The following OOSP4B variants were observed in gnomAD, a reference collection of about 807,000 sequenced individuals.
OOSP4B encodes the protein oocyte secreted protein family member 4B.
chr11:60,027,917 G>C (rs1854760984), intron 3 of OOSP4B, among the ~76,000 whole-genome samples: 1 of 151,308 alleles, frequency 6.6e-6, no homozygotes, highest in African/African-American at 2.4e-5. Flanking sequence ...TCCAGCCTGG[G>C]TGACAGAGTG....
At chr11:60,022,631 G>A (rs532433757) in intron 1 of OOSP4B, among the ~76,000 whole-genome samples, 10 of 152,128 alleles carry the variant, frequency 6.6e-5, no homozygotes, top group Non-Finnish European at 1.2e-4. Context: ...CAACTGTCCT[G>A]GGATTAAAAC....
At chr11:60,023,818 T>C (rs1239659487) in intron 1 of OOSP4B, 62 bp from the exon 2 acceptor site, 10 of 398,022 alleles carry the variant, frequency 2.5e-5, no homozygotes, top group South Asian at 2.6e-4. Flanking sequence ...TCAGCACTGA[T>C]AGTGTAATGT....
At chr11:60,017,360 G>C (rs1285198297) in exon 1 of OOSP4B, 1 of 398,528 alleles carries the variant, frequency 2.5e-6, no homozygotes, top group African/African-American at 2.1e-5. Context: ...GCCATTTCTT[G>C]TTTTCTATGT....
chr11:60,020,404 G>A (rs1002771549), intron 1 of OOSP4B, among the ~76,000 whole-genome samples: 4 of 150,748 alleles, frequency 2.7e-5, no homozygotes, highest in African/African-American at 7.3e-5. Flanking sequence ...GCCCTGCCCC[G>A]CCAGGAGGCA....
chr11:60,025,061 GT>G (rs1267191323), intron 3 of OOSP4B, 56 bp downstream of exon 3: 2 of 397,576 alleles, frequency 5.0e-6, no homozygotes, highest in Non-Finnish European at 8.9e-6. Context: ...GTTGATAGAT[GT>G]TTCTGTTAAG....
Position 60,019,386 on chromosome 11 carries a change from T to C in OOSP4B, c.22+1973T>C, listed in dbSNP as rs975354452. On this transcript the variant is annotated intron_variant, in intron 1 of 4. Coordinates refer to ENST00000642343, the Ensembl canonical transcript of OOSP4B. ...AAAATTAGCCAGGTGTAGTGGTGCA[T>C]GTGTGTCCGGAATTGGTGGGTTCTT... is the stretch of plus-strand genomic sequence containing the variant. The C allele has an allele frequency of 2.8e-5, 5 of 178,312 alleles. No homozygotes were observed. In the South Asian group the frequency reaches 7.1e-4, roughly 25 times the overall value. 11.0% of individuals were successfully genotyped at this position (178,312 alleles called of 1,614,324 possible).
intron 3 of OOSP4B, among the ~76,000 whole-genome samples, chr11:60,029,363 A>G (rs954062105): frequency 6.6e-6 from 1 of 152,116 alleles, no homozygotes; most frequent in African/African-American, 2.4e-5. Context: ...GGGTGTGTCT[A>G]TGTCTCTATT....
intron 3 of OOSP4B, among the ~76,000 whole-genome samples, chr11:60,025,887 C>T (rs1854742723): frequency 6.6e-6 from 1 of 152,148 alleles, no homozygotes; most frequent in Admixed American, 6.5e-5. Context: ...TGGTTTCACC[C>T]TCTGATGTCA....
chr11:60,027,915 G>C (rs1031036547), intron 3 of OOSP4B, among the ~76,000 whole-genome samples: 4 of 151,508 alleles, frequency 2.6e-5, no homozygotes, highest in East Asian at 2.0e-4. Context: ...ACTCCAGCCT[G>C]GGTGACAGAG....
At chr11:60,021,210 T>A (rs1033228521) in intron 1 of OOSP4B, among the ~76,000 whole-genome samples, 1 of 152,232 alleles carries the variant, frequency 6.6e-6, no homozygotes, top group African/African-American at 2.4e-5. Context: ...CATCTTGTTA[T>A]TAAAATGCAA....
chr11:60,029,315 T>C (rs1164043853), intron 3 of OOSP4B, among the ~76,000 whole-genome samples: 2 of 152,174 alleles, frequency 1.3e-5, no homozygotes, highest in African/African-American at 2.4e-5. Flanking sequence ...GTTGAGATGG[T>C]AGTTAAAGGT....
At chr11:60,028,934 T>A (rs966917086) in intron 3 of OOSP4B, among the ~76,000 whole-genome samples, 4 of 152,230 alleles carry the variant, frequency 2.6e-5, no homozygotes, top group Non-Finnish European at 1.5e-5. Context: ...TTAAGGGGAA[T>A]CTTAGCAGAT....
At chr11:60,023,928 T>G in exon 2 of OOSP4B, 1 of 398,532 alleles carries the variant, frequency 2.5e-6, no homozygotes, top group Non-Finnish European at 4.4e-6. Flanking sequence ...AGAATGAAAA[T>G]AAGGCCTTTT....
intron 1 of OOSP4B, among the ~76,000 whole-genome samples, chr11:60,023,553 G>A (rs1854715405): frequency 6.6e-6 from 1 of 152,080 alleles, no homozygotes; most frequent in Admixed American, 6.5e-5. Flanking sequence ...TCCCACCTCA[G>A]TCTCCCAAGT....
chr11:60,024,306 G>C (rs963954987), intron 2 of OOSP4B, among the ~76,000 whole-genome samples: 5 of 152,144 alleles, frequency 3.3e-5, no homozygotes, highest in African/African-American at 1.2e-4. Context: ...TTGGGAGGCT[G>C]GGGTGGGTGG....
chr11:60,026,213 C>T (rs975384447), intron 3 of OOSP4B, among the ~76,000 whole-genome samples: 6 of 152,090 alleles, frequency 3.9e-5, no homozygotes, highest in African/African-American at 7.2e-5. Flanking sequence ...TCTGTTCTGT[C>T]GTAAAATTCC....
Position 60,029,931 on chromosome 11 carries a change from TG to T in OOSP4B, c.450+3del, listed in dbSNP as rs1590595932. ...CTTAATTTTAACAGTGTTAATAAGG[TG>T]AGAATATTAAGGTTGTTTATTTTAT... On this transcript the variant is annotated splice_donor_region_variant and intron_variant, in intron 4 of 4. Transcript: ENST00000642343. The T allele has an allele frequency of 2.5e-6, 1 of 398,256 alleles. No homozygotes were observed. Among genetic ancestry groups the T allele is most frequent in the East Asian group, 3.6e-5 (1 of 28,032 alleles). 24.7% of individuals were successfully genotyped at this position (398,256 alleles called of 1,614,324 possible).
intron 1 of OOSP4B, among the ~76,000 whole-genome samples, chr11:60,020,446 G>A (rs974424006): frequency 1.8e-4 from 27 of 152,218 alleles, no homozygotes; most frequent in Admixed American, 8.5e-4. Flanking sequence ...GAGCACAGCA[G>A]CTGCTGGTCC....
At chr11:60,017,241 T>G (rs972100011) in exon 1 of OOSP4B, 1 of 396,330 alleles carries the variant, frequency 2.5e-6, no homozygotes, top group African/African-American at 2.1e-5. Context: ...ATGGGCCATG[T>G]TTTGAGAAGA....
Sources: allele counts gnomAD v4.1 joint callset (sites outside exome capture counted in the v4.1 genomes callset), GRCh38; gene constraint gnomAD v4.1.1; transcripts MANE v1.5; gene names NCBI Gene and HGNC (gene_info 2026-07-23, HGNC 2026-07-21).